Variants in JAZF1 observed in about 807,000 individuals in gnomAD.
The protein encoded by JAZF1 is juxtaposed with another zinc finger protein 1.
In JAZF1, 8 loss-of-function variants were observed where a neutral mutation model predicts 26.4. The ratio of observed to expected loss-of-function variants is 0.30; its 90% CI spans 0.18 to 0.55. The LOEUF (loss-of-function observed/expected upper bound fraction) is 0.55, where lower values mean the gene tolerates loss of function less well. JAZF1 is among the 20% of genes least tolerant of loss of function. The pLI is 0.94. For missense variants in JAZF1, 199 were observed against 322.0 expected, an observed-to-expected ratio of 0.62 and a Z score of 2.92; for synonymous variants, 126 against 122.3, an observed-to-expected ratio of 1.03 and a Z score of -0.20.
intron 1 of JAZF1, among the ~76,000 whole-genome samples, chr7:28,008,173 C>A (rs1053290776): frequency 6.6e-6 from 1 of 152,128 alleles, no homozygotes; most frequent in African/African-American, 2.4e-5. Context: ...AACTCCCTCA[C>A]AAGCTTTAAG....
chr7:28,071,758 C>A, intron 1 of JAZF1: 1 of 404,396 alleles, frequency 2.5e-6, no homozygotes, highest in Non-Finnish European at 5.1e-6. Context: ...CATCTGTGAT[C>A]AGAAAAAGTG....
chr7:28,080,304 C>T (rs1056698484), intron 1 of JAZF1, among the ~76,000 whole-genome samples: 1 of 152,212 alleles, frequency 6.6e-6, no homozygotes, highest in Admixed American at 6.5e-5. Context: ...CAGGCTTTGG[C>T]TTACGGGAAT....
chr7:27,895,487 G>T, intron 2 of JAZF1, 71 bp from the exon 3 acceptor site: 1 of 1,161,742 alleles, frequency 8.6e-7, no homozygotes, highest in Non-Finnish European at 1.2e-6. Context: ...ATTTATTAGA[G>T]TTTCAGACAT....
chr7:28,026,126 G>T (rs1783089503), intron 1 of JAZF1, among the ~76,000 whole-genome samples: 1 of 152,136 alleles, frequency 6.6e-6, no homozygotes, highest in Admixed American at 6.6e-5. Flanking sequence ...TAGGTTACAG[G>T]AAGTCTAGAG....
At chr7:28,105,796 C>T (rs531632459) in intron 1 of JAZF1, among the ~76,000 whole-genome samples, 14 of 152,136 alleles carry the variant, frequency 9.2e-5, no homozygotes, top group Non-Finnish European at 1.5e-4. Flanking sequence ...ATTATACAAG[C>T]GGCTACAGAA....
At chr7:27,866,171 T>G (rs953537829) in intron 3 of JAZF1, among the ~76,000 whole-genome samples, 1 of 152,208 alleles carries the variant, frequency 6.6e-6, no homozygotes, top group Non-Finnish European at 1.5e-5. Context: ...GGCATTTGTA[T>G]GTAGTATGGA....
chr7:27,952,447 T>C (rs1785026404), intron 2 of JAZF1, among the ~76,000 whole-genome samples: 1 of 152,276 alleles, frequency 6.6e-6, no homozygotes, highest in African/African-American at 2.4e-5. Flanking sequence ...CGAGGGGCTT[T>C]GCCCATGCAG....
intron 3 of JAZF1, among the ~76,000 whole-genome samples, chr7:27,849,857 GCT>G (rs1393194466): frequency 6.6e-6 from 1 of 151,640 alleles, no homozygotes; most frequent in Non-Finnish European, 1.5e-5. Context: ...TGCCACGTTT[GCT>G]CTCTCACTGG....
chr7:28,089,495 A>G (rs868428561), intron 1 of JAZF1, among the ~76,000 whole-genome samples: 17 of 152,214 alleles, frequency 1.1e-4, no homozygotes, highest in African/African-American at 3.9e-4. Context: ...AAATACTTAA[A>G]TATGTGGGAG....
intron 1 of JAZF1, among the ~76,000 whole-genome samples, chr7:28,179,731 G>C (rs1218053369): frequency 6.8e-6 from 1 of 147,686 alleles, no homozygotes; most frequent in Non-Finnish European, 1.5e-5. Context: ...CCGCGTCCCC[G>C]GCCCCGCCCG....
intron 2 of JAZF1, among the ~76,000 whole-genome samples, chr7:27,959,730 T>C (rs904477551): frequency 6.7e-6 from 1 of 148,244 alleles, no homozygotes; most frequent in African/African-American, 2.4e-5. Context: ...CGAAACACCA[T>C]CTCTACTAAA....
intron 1 of JAZF1, among the ~76,000 whole-genome samples, chr7:28,158,218 G>A (rs2127950819): frequency 6.6e-6 from 1 of 152,078 alleles, no homozygotes; most frequent in African/African-American, 2.4e-5. Flanking sequence ...GAGAGAGAGA[G>A]AGAGAGATAC....
At chr7:27,914,601 A>C in intron 2 of JAZF1, 1 of 374,132 alleles carries the variant, frequency 2.7e-6, no homozygotes, top group Non-Finnish European at 5.5e-6. Flanking sequence ...CACATCCCTT[A>C]CTAAAAATGG....
At chr7:27,884,006 T>C (rs903020967) in intron 3 of JAZF1, among the ~76,000 whole-genome samples, 4 of 152,196 alleles carry the variant, frequency 2.6e-5, no homozygotes, top group African/African-American at 7.2e-5. Flanking sequence ...CCTAAATGAA[T>C]TGTTTATAAG....
chr7:28,029,251 T>C (rs1351545957), intron 1 of JAZF1, among the ~76,000 whole-genome samples: 1 of 152,192 alleles, frequency 6.6e-6, no homozygotes, highest in Non-Finnish European at 1.5e-5. Context: ...TTCACTTTTA[T>C]GCTGGATCAC....
At chr7:27,960,182 G>A (rs993734830) in intron 2 of JAZF1, among the ~76,000 whole-genome samples, 1 of 152,186 alleles carries the variant, frequency 6.6e-6, no homozygotes, top group Non-Finnish European at 1.5e-5. Flanking sequence ...AGTTAGACTT[G>A]TTGTGCTTAT....
At chr7:28,024,168 A>G (rs1783053848) in intron 1 of JAZF1, among the ~76,000 whole-genome samples, 2 of 152,066 alleles carry the variant, frequency 1.3e-5, no homozygotes, top group Admixed American at 6.6e-5. Context: ...TGGTGGCACC[A>G]CCTGTAGTCC....
intron 1 of JAZF1, among the ~76,000 whole-genome samples, chr7:28,154,225 A>G (rs935840412): frequency 6.6e-6 from 1 of 152,176 alleles, no homozygotes; most frequent in Non-Finnish European, 1.5e-5. Context: ...ACAATCCCAC[A>G]AGTTGATCCC....
chr7:28,122,668 C>G (rs73298679), intron 1 of JAZF1, among the ~76,000 whole-genome samples: 1 of 152,054 alleles, frequency 6.6e-6, no homozygotes. Flanking sequence ...GAAATATTAA[C>G]GTATCATTGC....
Sources: gnomAD v4.1 joint callset for allele counts (sites outside exome capture counted in the v4.1 genomes callset) on GRCh38, gnomAD v4.1.1 for gene constraint, MANE v1.5 for transcripts, NCBI Gene and HGNC (gene_info 2026-07-23, HGNC 2026-07-21) for gene names.